Variants in AFF4 observed in about 807,000 individuals in gnomAD.
The protein encoded by AFF4 is AF4/FMR2 family member 4.
Under a neutral mutation model 124.8 loss-of-function variants are expected in AFF4, and 13 were observed. That is an observed-to-expected ratio of 0.10 (90% CI 0.07 to 0.17). AFF4 has a LOEUF of 0.17. Ranked by LOEUF, AFF4 falls within the 10% of genes least tolerant of loss-of-function variation. AFF4 has a pLI of 1.00. For synonymous variants in AFF4, 477 were observed against 496.1 expected, an observed-to-expected ratio of 0.96 and a Z score of 0.51; for missense variants, 1,092 against 1,403.8, an observed-to-expected ratio of 0.78 and a Z score of 3.55.
rs1024725192 is a variant in AFF4, at chr5:132,879,650, C to T, written c.*1409G>A. On this transcript the variant is annotated 3_prime_UTR_variant, in exon 21 of 21. Coordinates refer to ENST00000265343, the MANE Select transcript of AFF4 (RefSeq NM_014423.4). ...AAGGTAAGATTTAAGGCACACCAAA[C>T]ATGATAGGGGCATGAAAAATAAAGT... 4.8e-6 allele frequency: 1 copy of T among 209,470 alleles called. No individual in the cohort carries two copies. Among genetic ancestry groups the T allele is most frequent in the Non-Finnish European group, 9.7e-6 (1 of 102,840 alleles). 13.0% of individuals were successfully genotyped at this position (209,470 alleles called of 1,614,324 possible).
At chr5:132,888,984 C>T (rs1469909910) in intron 14 of AFF4, 95 bp downstream of exon 14, 1 of 1,207,018 alleles carries the variant, frequency 8.3e-7, no homozygotes, top group African/African-American at 1.5e-5. Context: ...GCGTGAGCCA[C>T]CGCGCCCGGC....
At chr5:132,894,878 C>T (rs1302331513) in intron 11 of AFF4, among the ~76,000 whole-genome samples, 6 of 152,166 alleles carry the variant, frequency 3.9e-5, no homozygotes, top group South Asian at 4.1e-4. Context: ...CACTTGAACC[C>T]GGCAGTTTGA....
In AFF4 at chr5:132,892,255, T is replaced by A; in HGVS notation, c.2546A>T (p.Lys849Met). 1 of 1,614,098 alleles carries A rather than the reference T, an allele frequency of 6.2e-7. No individual in the cohort carries two copies. The change falls in exon 13 of 21, where the codon AAG (lysine) becomes ATG (methionine). Residue 849 changes from lysine to methionine, a missense_variant. Coordinates refer to ENST00000265343, the MANE Select transcript of AFF4 (RefSeq NM_014423.4). ...GTTTTTGCTGCTGCCACTCGTCTCC[T>A]TGTTGCTGTTACTGCTTGACTTTAA... is the stretch of plus-strand genomic sequence containing the variant. Reference protein sequence around the residue: ...SSLKSSSNSNKETSGSSKNSS... With the variant: ...SSLKSSSNSNMETSGSSKNSS...
At chr5:132,954,897 C>T (rs1362967266) in intron 1 of AFF4, among the ~76,000 whole-genome samples, 3 of 152,174 alleles carry the variant, frequency 2.0e-5, no homozygotes, top group Non-Finnish European at 4.4e-5. Context: ...AAGTGTTAAG[C>T]TCACTGGAAG....
chr5:132,912,773 G>C (rs1760821930), intron 5 of AFF4, among the ~76,000 whole-genome samples: 1 of 151,984 alleles, frequency 6.6e-6, no homozygotes, highest in South Asian at 2.1e-4. Context: ...CGGGAGAAAT[G>C]CAAGTATAAT....
At chr5:132,899,001 A>G in intron 9 of AFF4, 103 bp downstream of exon 9, 11 of 1,037,616 alleles carry the variant, frequency 1.1e-5, no homozygotes, top group Non-Finnish European at 1.6e-5. Context: ...TACAACCATT[A>G]TCAAAATTAA....
chr5:132,888,293 G>A, intron 14 of AFF4, 133 bp from the exon 15 acceptor site: 2 of 683,274 alleles, frequency 2.9e-6, no homozygotes, highest in Non-Finnish European at 4.7e-6. Context: ...ATTTGTTTCA[G>A]TATTTTCTGA....
chr5:132,955,885 G>A (rs1761946113), intron 1 of AFF4, among the ~76,000 whole-genome samples: 1 of 142,060 alleles, frequency 7.0e-6, no homozygotes, highest in Admixed American at 7.2e-5. Flanking sequence ...ATACATCAGA[G>A]TATATTATAT....
chr5:132,949,623 G>A (rs1317567905), intron 1 of AFF4, among the ~76,000 whole-genome samples: 1 of 151,662 alleles, frequency 6.6e-6, no homozygotes, highest in East Asian at 2.0e-4. Flanking sequence ...CATCCTGCGG[G>A]TGGATCACGA....
chr5:132,924,216 C>T (rs10900811), intron 5 of AFF4, among the ~76,000 whole-genome samples: 75,540 of 151,700 alleles, frequency 0.5, 19,013 homozygotes, highest in East Asian at 0.71. Flanking sequence ...ATCATGCCAC[C>T]GCACTCTGGC....
At position 132,884,402 on chromosome 5, in the gene AFF4, C is replaced by T. The variant is rs142150035; in HGVS notation, c.3143+674G>A. Among the ~76,000 whole-genome samples, 1,025 of 152,132 alleles carry T rather than the reference C, an allele frequency of 6.7e-3. 5 individuals are homozygous for T. Among genetic ancestry groups the T allele is most frequent in the South Asian group, 0.011 (55 of 4,816 alleles). On this transcript the variant is annotated intron_variant, in intron 19 of 20. Transcript: ENST00000265343. Reference sequence around the variant, plus strand: ...TTACAGGCGCGCACGACACCACACCCGGCTAATTTTTGTATTTTTAGCACA... The same window carrying T: ...TTACAGGCGCGCACGACACCACACCTGGCTAATTTTTGTATTTTTAGCACA...
In AFF4 at chr5:132,879,189, A is replaced by C. The variant is rs1015940299; in HGVS notation, c.*1870T>G. The C allele has an allele frequency of 9.1e-6, 2 of 219,650 alleles. No homozygotes were observed. Among genetic ancestry groups the C allele is most frequent in the Non-Finnish European group, 1.8e-5 (2 of 109,560 alleles). The allele number at this position is 219,650 out of a possible 1,614,324, so 13.6% of individuals were successfully genotyped here. On this transcript the variant is annotated 3_prime_UTR_variant, in exon 21 of 21. Transcript: ENST00000265343. ...CAATCTGAGGTACAAAACAGTTAAG[A>C]AGCTCTATAAATATGAGGCCACAGG...
At chr5:132,954,499 G>C (rs1403035651) in intron 1 of AFF4, among the ~76,000 whole-genome samples, 1 of 151,426 alleles carries the variant, frequency 6.6e-6, no homozygotes, top group Non-Finnish European at 1.5e-5. Context: ...AGGGGTGGTT[G>C]CCCACGACCT....
At position 132,899,145 on chromosome 5, in the gene AFF4, A is replaced by C; in HGVS notation, c.1189-4T>G. 6.2e-7 allele frequency: 1 copy of C among 1,612,280 alleles called. No homozygotes were observed. Among genetic ancestry groups the C allele is most frequent in the East Asian group, 2.2e-5 (1 of 44,804 alleles). On this transcript the variant is annotated splice_region_variant and splice_polypyrimidine_tract_variant and intron_variant, in intron 8 of 20. Transcript: ENST00000265343. ...TCGGCATTGTCTTATCACAATCCTA[A>C]AATTAAAACATAAGAAAGAATCTGT...
chr5:132,885,464 A>C (rs1311450937), intron 18 of AFF4, among the ~76,000 whole-genome samples: 1 of 2,770 alleles, frequency 3.6e-4, no homozygotes, highest in Non-Finnish European at 6.6e-4. Flanking sequence ...CCTCTTAAAA[A>C]AGGGGTGGGT....
Position 132,963,438 on chromosome 5 carries a change from T to TCGGCGG in AFF4, c.-190_-185dup, listed in dbSNP as rs28372769. ...GAGGCCTCGACAAACGAAGGCGGCG[T>TCGGCGG]CGGCGGCGGCGGCAGCGATGCGCCT... is the stretch of plus-strand genomic sequence containing the variant. On this transcript the variant is annotated 5_prime_UTR_variant, in exon 1 of 21. Transcript: ENST00000265343. 1,268 of 397,884 alleles carry TCGGCGG rather than the reference T, an allele frequency of 3.2e-3. 28 individuals are homozygous for TCGGCGG. In the East Asian group the frequency reaches 0.043, roughly 13 times the overall value. The allele number at this position is 397,884 out of a possible 1,614,324, so 24.6% of individuals were successfully genotyped here.
chr5:132,934,019 TC>T, intron 3 of AFF4, 127 bp downstream of exon 3: 1 of 1,104,442 alleles, frequency 9.1e-7, no homozygotes, highest in Non-Finnish European at 1.3e-6. Flanking sequence ...TACATTTTTT[TC>T]ATCTTTCAAC....
chr5:132,948,472 C>T (rs1285769592), intron 1 of AFF4: 1 of 152,668 alleles, frequency 6.6e-6, no homozygotes, highest in African/African-American at 2.4e-5. Flanking sequence ...AGAGAGGCAG[C>T]TCCAGCAGCA....
At chr5:132,956,348 T>C (rs1354807174) in intron 1 of AFF4, among the ~76,000 whole-genome samples, 1 of 152,126 alleles carries the variant, frequency 6.6e-6, no homozygotes, top group Non-Finnish European at 1.5e-5. Context: ...CTGAGTTTCC[T>C]GGCCGGGCCC....
Sources: allele counts gnomAD v4.1 joint callset (sites outside exome capture counted in the v4.1 genomes callset), GRCh38; gene constraint gnomAD v4.1.1; transcripts MANE v1.5; gene names NCBI Gene and HGNC (gene_info 2026-07-23, HGNC 2026-07-21).